Variants in ZBTB20 observed in about 807,000 individuals in gnomAD.
The protein encoded by ZBTB20 is zinc finger and BTB domain containing 20.
ZBTB20 carries 9 observed loss-of-function variants against 56.9 expected under a neutral mutation model. The observed-to-expected ratio is 0.16, with a 90% CI of 0.10 to 0.28. The LOEUF is 0.28. Among genes scored for constraint, ZBTB20 ranks in the 10% least tolerant of loss-of-function variants. The pLI, the probability that ZBTB20 is intolerant of heterozygous loss-of-function variation, is 1.00. For synonymous variants in ZBTB20, 417 were observed against 420.7 expected, an observed-to-expected ratio of 0.99 and a Z score of 0.11; for missense variants, 655 against 1,003.0, an observed-to-expected ratio of 0.65 and a Z score of 4.69.
At chr3:114,748,191 A>G (rs1404411165) in intron 5 of ZBTB20, among the ~76,000 whole-genome samples, 2 of 152,188 alleles carry the variant, frequency 1.3e-5, no homozygotes, top group Non-Finnish European at 2.9e-5. Flanking sequence ...TGAGTAATTC[A>G]AAGACCCAGA....
rs374258975 is a variant in ZBTB20, at chr3:114,363,870, T to G, written c.200-11992A>C. On this transcript the variant is annotated intron_variant, in intron 10 of 11. Coordinates refer to ENST00000675478, the MANE Select transcript of ZBTB20 (RefSeq NM_001348800.3). Reference sequence around the variant, plus strand: ...CTGCTCCCTAAAGTGGTATTTTGCATTTCTAGGATTGTCATTGTCTCTAAA... The same window carrying G: ...CTGCTCCCTAAAGTGGTATTTTGCAGTTCTAGGATTGTCATTGTCTCTAAA... Among the ~76,000 whole-genome samples, 75 of 152,346 alleles carry G rather than the reference T, an allele frequency of 4.9e-4. No homozygotes were observed. The South Asian group carries it at 0.015, about 30-fold the overall frequency.
At chr3:114,383,809 G>A (rs2084693596) in intron 8 of ZBTB20, among the ~76,000 whole-genome samples, 1 of 152,104 alleles carries the variant, frequency 6.6e-6, no homozygotes, top group Admixed American at 6.5e-5. Flanking sequence ...CCCCATTTTT[G>A]CAGTTCATAG....
intron 7 of ZBTB20, among the ~76,000 whole-genome samples, chr3:114,424,378 C>T (rs993313887): frequency 6.6e-6 from 1 of 152,286 alleles, no homozygotes; most frequent in African/African-American, 2.4e-5. Flanking sequence ...TATAGATATG[C>T]ATGCAAAGTC....
intron 6 of ZBTB20, among the ~76,000 whole-genome samples, chr3:114,552,729 T>TA (rs1219200052): frequency 6.6e-6 from 1 of 152,096 alleles, no homozygotes; most frequent in Non-Finnish European, 1.5e-5. Context: ...TTGTTGTTGT[T>TA]AAAAAAATAT....
chr3:114,975,217 C>T (rs1346869879), intron 2 of ZBTB20, among the ~76,000 whole-genome samples: 1 of 152,102 alleles, frequency 6.6e-6, no homozygotes, highest in African/African-American at 2.4e-5. Context: ...AAACAGCTCT[C>T]CTATTAAAAA....
intron 7 of ZBTB20, among the ~76,000 whole-genome samples, chr3:114,425,789 C>T (rs2089595066): frequency 6.6e-6 from 1 of 152,106 alleles, no homozygotes; most frequent in Non-Finnish European, 1.5e-5. Context: ...CTGCTAGCCC[C>T]TCAAAACCCA....
chr3:114,461,915 C>T (rs1376781403), intron 7 of ZBTB20, among the ~76,000 whole-genome samples: 1 of 152,198 alleles, frequency 6.6e-6, no homozygotes, highest in Admixed American at 6.5e-5. Flanking sequence ...ACACGTTGGA[C>T]TCAGAGTGAG....
chr3:114,981,161 A>T (rs2078310820), intron 2 of ZBTB20, among the ~76,000 whole-genome samples: 1 of 151,992 alleles, frequency 6.6e-6, no homozygotes, highest in African/African-American at 2.4e-5. Context: ...GGATCCAGAG[A>T]CCCAATAAAA....
At chr3:114,618,238 C>CTTT (rs111549198) in intron 6 of ZBTB20, among the ~76,000 whole-genome samples, 68 of 119,274 alleles carry the variant, frequency 5.7e-4, no homozygotes, top group East Asian at 1.2e-3. Context: ...TGTTTCTTTC[C>CTTT]TTTTTTTTTT....
chr3:114,611,542 C>T (rs1308923890), intron 6 of ZBTB20, among the ~76,000 whole-genome samples: 2 of 152,140 alleles, frequency 1.3e-5, no homozygotes, highest in Non-Finnish European at 2.9e-5. Flanking sequence ...TAAGGAGCAA[C>T]GGACTTTGCT....
chr3:114,621,943 T>C (rs963277298), intron 6 of ZBTB20, among the ~76,000 whole-genome samples: 2 of 152,200 alleles, frequency 1.3e-5, no homozygotes, highest in African/African-American at 4.8e-5. Context: ...CCACGACCAC[T>C]TGGAACTCCA....
intron 5 of ZBTB20, among the ~76,000 whole-genome samples, chr3:114,753,345 T>A (rs971202996): frequency 2.3e-5 from 3 of 130,056 alleles, no homozygotes; most frequent in African/African-American, 8.4e-5. Context: ...AATGTATATA[T>A]GTATACATTA....
At chr3:114,763,281 A>G (rs1289538097) in intron 5 of ZBTB20, among the ~76,000 whole-genome samples, 1 of 152,196 alleles carries the variant, frequency 6.6e-6, no homozygotes, top group African/African-American at 2.4e-5. Flanking sequence ...CATTCTCAAA[A>G]GGAGAAAAAT....
chr3:114,973,427 T>G (rs2108045010), intron 3 of ZBTB20, among the ~76,000 whole-genome samples: 1 of 152,302 alleles, frequency 6.6e-6, no homozygotes, highest in Non-Finnish European at 1.5e-5. Context: ...TTCAGTGAGT[T>G]TGGTGCCTCG....
chr3:114,440,705 T>G (rs900594937), intron 7 of ZBTB20, among the ~76,000 whole-genome samples: 1 of 152,202 alleles, frequency 6.6e-6, no homozygotes, highest in Non-Finnish European at 1.5e-5. Context: ...AAGTGGATAC[T>G]GGTACGAGTA....
At chr3:114,683,314 A>G (rs1474626371) in intron 6 of ZBTB20, among the ~76,000 whole-genome samples, 1 of 152,136 alleles carries the variant, frequency 6.6e-6, no homozygotes. Flanking sequence ...TTTCCATTCC[A>G]TTGTCATTTG....
chr3:114,894,371 A>G (rs1465264752), intron 4 of ZBTB20, among the ~76,000 whole-genome samples: 1 of 152,162 alleles, frequency 6.6e-6, no homozygotes, highest in East Asian at 1.9e-4. Flanking sequence ...GCATATGTAT[A>G]TATATAGCAT....
At chr3:115,083,268 C>G (rs2082862243) in intron 1 of ZBTB20, among the ~76,000 whole-genome samples, 1 of 152,000 alleles carries the variant, frequency 6.6e-6, no homozygotes, top group African/African-American at 2.4e-5. Flanking sequence ...ATCATCGCAT[C>G]CACATTTTCT....
chr3:114,815,503 G>T (rs976450440), intron 4 of ZBTB20, among the ~76,000 whole-genome samples: 13 of 152,094 alleles, frequency 8.5e-5, no homozygotes, highest in Admixed American at 4.6e-4. Flanking sequence ...ACAACGAGTA[G>T]CCTCCTATTT....
Sources: allele counts gnomAD v4.1 joint callset (sites outside exome capture counted in the v4.1 genomes callset), GRCh38; gene constraint gnomAD v4.1.1; transcripts MANE v1.5; gene names NCBI Gene and HGNC (gene_info 2026-07-23, HGNC 2026-07-21).